Variants in BRD1 observed in about 807,000 individuals in gnomAD.
BRD1 encodes bromodomain-containing protein 1.
Under a neutral mutation model 107.7 loss-of-function variants are expected in BRD1, and 24 were observed. The observed-to-expected ratio is 0.22, with a 90% confidence interval of 0.16 to 0.31. The LOEUF (loss-of-function observed/expected upper bound fraction) is 0.31, where lower values mean the gene tolerates loss of function less well. Among genes scored for constraint, BRD1 ranks in the 10% least tolerant of loss-of-function variants. The pLI is 1.00. For synonymous variants in BRD1, 744 were observed against 686.1 expected (o/e 1.08, Z -1.32); for missense variants, 1,279 against 1,638.6 (o/e 0.78, Z 3.79).
rs1314926875 is a variant in BRD1 at position 49,794,152 on chromosome 22, T to G, written c.2241A>C (p.Glu747Asp). ...RSKRAKLLKK[E>D]IALLRNKLSQ... is the part of the protein sequence containing the mutation. ...TCAGCTTGTTTCGGAGAAGGGCAAT[T>G]TCCTTTTTGAGCAGCTTTGCCCGCT... The change falls in exon 7 of 13, where the codon GAA (glutamate) becomes GAC (aspartate). Residue 747 changes from glutamate (E) to aspartate (D), a missense_variant. By Grantham distance (45) the Glu-to-Asp change is conservative (BLOSUM62 2). Around this residue, in one of 7 missense-constraint regions of BRD1, gnomAD observed 406 missense variants for 519.4 expected, o/e 0.78. Coordinates refer to ENST00000404760, the MANE Select transcript of BRD1 (RefSeq NM_001304808.3). 3.1e-6 allele frequency: 5 copies of G among 1,614,238 alleles called. No homozygotes were observed. The highest frequency in any genetic ancestry group is 4.2e-6 in the Non-Finnish European group (5 of 1,180,048).
rs2059602574 is a variant in BRD1 at position 49,799,567 on chromosome 22, C to T, written c.1525-448G>A. On this transcript the variant is annotated intron_variant, in intron 3 of 12. Transcript: ENST00000404760. The stretch of plus-strand genomic sequence containing the variant: ...GGTGCACAGAAAACCACATGCTGGG[C>T]CCATCCTGGCTTGGACAGAGCATGA... Among the ~76,000 whole-genome samples, 3 of 152,228 alleles carry T rather than the reference C, an allele frequency of 2.0e-5. No individual in the cohort carries two copies. In the South Asian group the frequency reaches 6.2e-4, roughly 32 times the overall value.
In BRD1 at chr22:49,777,953, A is replaced by C. The variant is rs990301733; in HGVS notation, c.2858-140T>G. On this transcript the variant is annotated intron_variant, in intron 8 of 12. Coordinates refer to ENST00000404760, the MANE Select transcript of BRD1 (RefSeq NM_001304808.3). The stretch of plus-strand genomic sequence containing the variant: ...GACAGCATCTTCCTTTTCACTCCCA[A>C]GTTCCCGAGCATAGTCCTTACAGTA... 5 of 1,227,554 alleles carry C rather than the reference A, an allele frequency of 4.1e-6. No homozygotes were observed. The East Asian group carries it at 1.3e-4, about 32-fold the overall frequency. 76.0% of individuals were successfully genotyped at this position (1,227,554 alleles called of 1,614,324 possible). A position where few individuals can be genotyped will look rare whatever the true frequency, so the allele number is the denominator to read the frequency against.
At position 49,777,054 on chromosome 22, in the gene BRD1, T is replaced by G; in HGVS notation, c.3101A>C (p.Lys1034Thr). Reference sequence around the variant, plus strand: ...CTCACCGGCTGCGATCCTGGCCGCCTTGGCGTAGTTCCCATTCTCGATGCA... The same window carrying G: ...CTCACCGGCTGCGATCCTGGCCGCCGTGGCGTAGTTCCCATTCTCGATGCA... The part of the protein sequence containing the change: ...ISCIENGNYA[K>T]AARIAAEVGQ... Residue 1034 changes from lysine to threonine, a missense_variant, in exon 10 of 13, where the codon AAG (lysine) becomes ACG (threonine). Coordinates refer to ENST00000404760, the MANE Select transcript of BRD1 (RefSeq NM_001304808.3). 2 of 1,613,212 alleles carry G rather than the reference T, an allele frequency of 1.2e-6. No homozygotes were observed. The highest frequency in any genetic ancestry group is 1.7e-6 in the Non-Finnish European group (2 of 1,179,998).
chr22:49,796,816 G>A (rs749169766), intron 6 of BRD1, among the ~76,000 whole-genome samples: 7 of 152,210 alleles, frequency 4.6e-5, no homozygotes, highest in East Asian at 1.9e-4. Context: ...CCATGATGGC[G>A]GGAAGCGGAC....
At chr22:49,822,547 A>T (rs1253796537) in intron 2 of BRD1, among the ~76,000 whole-genome samples, 1 of 151,450 alleles carries the variant, frequency 6.6e-6, no homozygotes, top group Admixed American at 6.6e-5. Flanking sequence ...GTCTCTACTT[A>T]AAAAATACAA....
Position 49,798,677 on chromosome 22 carries a change from C to G in BRD1, c.1666G>C (p.Glu556Gln). The change falls in exon 5 of 13, where the codon GAG becomes CAG. Residue 556 changes from glutamate (E) to glutamine (Q), a missense_variant. By Grantham distance (29) the Glu-to-Gln change is conservative. Around this residue, in one of 7 missense-constraint regions of BRD1, gnomAD observed 406 missense variants for 519.4 expected, o/e 0.78. Transcript: ENST00000404760. ...AGCCGCAGCTCCATGGCGACCTGCT[C>G]CACCTTCACCTGGGGGGGCCCAGCA... ...EKLKREQVKVEQVAMELRLTP... is the reference protein window; with the variant it reads ...EKLKREQVKVQQVAMELRLTP... 2 of 1,604,996 alleles carry G rather than the reference C, an allele frequency of 1.2e-6. No homozygotes were observed. Among genetic ancestry groups the G allele is most frequent in the Middle Eastern group, 1.7e-4 (1 of 6,032 alleles).
rs372984514 is a variant in BRD1, at chr22:49,823,062, G to A, written c.1256C>T (p.Thr419Met). Reference protein sequence around the residue: ...GVCRKESSVKTVRSTSKVRKK... With the variant: ...GVCRKESSVKMVRSTSKVRKK... ...CCTGACCTTGGATGTGGACCTGACC[G>A]TTTTAACCGAGCTCTCTTTTCGACA... Residue 419 changes from threonine to methionine, a missense_variant, in exon 2 of 13, where the codon ACG becomes ATG. Coordinates refer to ENST00000404760, the MANE Select transcript of BRD1 (RefSeq NM_001304808.3). 37 of 1,614,222 alleles carry A rather than the reference G, an allele frequency of 2.3e-5. No individual in the cohort carries two copies. Among genetic ancestry groups the A allele is most frequent in the African/African-American group, 4.0e-5 (3 of 75,062 alleles).
At chr22:49,811,529 C>G (rs899775096) in intron 2 of BRD1, among the ~76,000 whole-genome samples, 1 of 152,312 alleles carries the variant, frequency 6.6e-6, no homozygotes, top group Admixed American at 6.5e-5. Flanking sequence ...GGTTAAGGTG[C>G]AGGCAGCTGC....
At position 49,824,350 on chromosome 22, in the gene BRD1, T is replaced by C; in HGVS notation, c.-14-19A>G. The stretch of plus-strand genomic sequence containing the variant: ...TGATTACCTAAAATGAAGGCAAAAG[T>C]AAAGGTAATTCTACGCAGGGTGACC... On this transcript the variant is annotated intron_variant, in intron 1 of 12. Coordinates refer to ENST00000404760, the MANE Select transcript of BRD1 (RefSeq NM_001304808.3). The surrounding 1 kb of genome is among the most constrained non-coding windows in gnomAD (Gnocchi z 5.9). 1 of 1,607,600 alleles carries C rather than the reference T, an allele frequency of 6.2e-7. No individual in the cohort carries two copies.
Position 49,787,863 on chromosome 22 carries a change from TC to T in BRD1, c.2383del (p.Glu795AsnfsTer24), listed in dbSNP as rs1229558778. On this transcript the variant is annotated frameshift_variant, in exon 8 of 13. Coordinates refer to ENST00000404760, the MANE Select transcript of BRD1 (RefSeq NM_001304808.3). LOFTEE classifies it high-confidence loss of function. ...EEGDKSPPKLEPSDALPLPSN... is the reference protein window; with the variant it reads ...EEGDKSPPKLXPSDALPLPSN... Reference sequence around the variant, plus strand: ...AGGAAGAGGTAATGCATCTGATGGTTCAAGTTTAGGGGGAGATTTATCTCCT... The same window carrying T: ...AGGAAGAGGTAATGCATCTGATGGTTAAGTTTAGGGGGAGATTTATCTCCT... 6.5e-7 allele frequency: 1 copy of T among 1,543,258 alleles called. No individual in the cohort carries two copies. Among genetic ancestry groups the T allele is most frequent in the South Asian group, 1.2e-5 (1 of 83,522 alleles).
intron 2 of BRD1, among the ~76,000 whole-genome samples, chr22:49,808,331 G>T (rs754965299): frequency 1.3e-5 from 2 of 152,224 alleles, no homozygotes; most frequent in Non-Finnish European, 2.9e-5. Context: ...CATACAGAGG[G>T]TTATTCAGCC....
intron 8 of BRD1, among the ~76,000 whole-genome samples, chr22:49,780,481 G>A (rs2059185663): frequency 6.6e-6 from 1 of 152,050 alleles, no homozygotes; most frequent in Admixed American, 6.5e-5. Context: ...TGGCGGGGGT[G>A]GGACAGCTGC....
chr22:49,799,741 C>T lies in BRD1; in HGVS notation c.1525-622G>A, dbSNP rs111322415. ...GAAGAGTGCGCCAGACAGCACAGGC[C>T]GCCAGCCTCAACCCAGCCAACATCC... On this transcript the variant is annotated intron_variant, in intron 3 of 12. Coordinates refer to ENST00000404760, the MANE Select transcript of BRD1 (RefSeq NM_001304808.3). Among the ~76,000 whole-genome samples the T allele has an allele frequency of 1.7e-3, 253 of 152,342 alleles. 1 individual carries two copies. Among genetic ancestry groups the T allele is most frequent in the African/African-American group, 5.5e-3 (230 of 41,586 alleles).
chr22:49,808,352 A>C (rs1020576792), intron 2 of BRD1, among the ~76,000 whole-genome samples: 1 of 152,282 alleles, frequency 6.6e-6, no homozygotes, highest in Non-Finnish European at 1.5e-5. Flanking sequence ...TTAAAAGGCA[A>C]GGAAGTTCCA....
At position 49,798,767 on chromosome 22, in the gene BRD1, A is replaced by G. The variant is rs765926101; in HGVS notation, c.1657-81T>C. ...CACCACGCGCCCCACAGCCACAAGCAGCCCCCACAGGCTCCTGTGCTTCCG... is the reference window on the plus strand; with the variant it reads ...CACCACGCGCCCCACAGCCACAAGCGGCCCCCACAGGCTCCTGTGCTTCCG... On this transcript the variant is annotated intron_variant, in intron 4 of 12. Transcript: ENST00000404760. 4.0e-5 allele frequency: 59 copies of G among 1,468,874 alleles called. No homozygotes were observed. The South Asian group carries it at 4.7e-4, about 12-fold the overall frequency. The allele number at this position is 1,468,874 out of a possible 1,614,324, so 91.0% of individuals were successfully genotyped here. A position where few individuals can be genotyped will look rare whatever the true frequency, so the allele number is the denominator to read the frequency against.
chr22:49,778,811 G>A (rs995097968), intron 8 of BRD1, among the ~76,000 whole-genome samples: 2 of 151,892 alleles, frequency 1.3e-5, no homozygotes, highest in African/African-American at 2.4e-5. Flanking sequence ...ACAGGCGCCC[G>A]CCACCATGCC....
At chr22:49,826,347 C>G (rs1048779113) in intron 1 of BRD1, 1 of 826,322 alleles carries the variant, frequency 1.2e-6, no homozygotes, top group Non-Finnish European at 1.5e-6. Flanking sequence ...AACTGGGACC[C>G]GGGGAAAGTA....
chr22:49,809,951 G>A (rs1390289438), intron 2 of BRD1, among the ~76,000 whole-genome samples: 1 of 152,064 alleles, frequency 6.6e-6, no homozygotes, highest in African/African-American at 2.4e-5. Context: ...TTGCATCAAA[G>A]AAAGAAAGAA....
intron 3 of BRD1, among the ~76,000 whole-genome samples, chr22:49,801,193 G>A (rs1347688659): frequency 1.3e-5 from 2 of 152,256 alleles, no homozygotes; most frequent in African/African-American, 4.8e-5. Flanking sequence ...GAGACAGTGG[G>A]ACGCCACCAG....
Sources: gnomAD v4.1 joint callset for allele counts (sites outside exome capture counted in the v4.1 genomes callset) on GRCh38, gnomAD v4.1.1 for gene constraint, gnomAD v4.1.1 regional missense constraint, Gnocchi (gnomAD v3.1) non-coding constraint, MANE v1.5 for transcripts, NCBI Gene and HGNC (gene_info 2026-07-23, HGNC 2026-07-21) for gene names.